The following LGR5 variants were observed in gnomAD, a reference collection of about 807,000 sequenced individuals.
LGR5 encodes the protein leucine rich repeat containing G protein-coupled receptor 5, also known as leucine-rich repeat-containing G protein-coupled receptor 5.
A neutral mutation model predicts 76.7 loss-of-function variants in LGR5; 54 were observed. That is an observed-to-expected ratio of 0.70 (90% CI 0.57 to 0.88). The LOEUF (loss-of-function observed/expected upper bound fraction) is 0.88, where lower values mean the gene tolerates loss of function less well. Among genes scored for constraint, LGR5 ranks in the 40% least tolerant of loss-of-function variants. LGR5 has a pLI of 0.00. For missense variants in LGR5, 1,078 were observed against 1,073.3 expected (o/e 1.00, Z -0.06); for synonymous variants, 406 against 421.9 (o/e 0.96, Z 0.46).
At chr12:71,560,869 T>C (rs1305730035) in intron 7 of LGR5, among the ~76,000 whole-genome samples, 1 of 152,220 alleles carries the variant, frequency 6.6e-6, no homozygotes, top group African/African-American at 2.4e-5. Flanking sequence ...CATTTGTAAA[T>C]GTTCAATGAA....
At chr12:71,563,212 T>C (rs1489718756) in intron 8 of LGR5, among the ~76,000 whole-genome samples, 1 of 152,182 alleles carries the variant, frequency 6.6e-6, no homozygotes, top group Non-Finnish European at 1.5e-5. Context: ...TCCTTGCTCC[T>C]GCATCTGTTT....
rs1240025793 is a variant in LGR5 at position 71,439,994 on chromosome 12, G to A, written c.-87G>A. On this transcript the variant is annotated 5_prime_UTR_variant, in exon 1 of 18. Transcript: ENST00000266674. ...CGCCCGCTGAGTTGCAGAAGCCCAC[G>A]GAGCGGCGCCCGGCGCGCCACGGCC... is the stretch of plus-strand genomic sequence containing the variant. 2.3e-6 allele frequency: 3 copies of A among 1,318,490 alleles called. No individual in the cohort carries two copies. Among genetic ancestry groups the A allele is most frequent in the Non-Finnish European group, 3.2e-6 (3 of 946,868 alleles). The allele number at this position is 1,318,490 out of a possible 1,614,324, so 81.7% of individuals were successfully genotyped here. A position where few individuals can be genotyped will look rare whatever the true frequency, so the allele number is the denominator to read the frequency against.
At chr12:71,562,124 A>C (rs1424068140) in intron 8 of LGR5, among the ~76,000 whole-genome samples, 1 of 152,168 alleles carries the variant, frequency 6.6e-6, no homozygotes, top group Non-Finnish European at 1.5e-5. Flanking sequence ...GATTACCTCT[A>C]TTTTCTAAGA....
Position 71,461,748 on chromosome 12 carries a change from C to A in LGR5, c.212+21456C>A, listed in dbSNP as rs527541643. Among the ~76,000 whole-genome samples, 7 of 152,238 alleles carry A rather than the reference C, an allele frequency of 4.6e-5. No individual in the cohort carries two copies. The South Asian group carries it at 1.5e-3, about 32-fold the overall frequency. On this transcript the variant is annotated intron_variant, in intron 1 of 17. Transcript: ENST00000266674. ...ATCCCTTTTGAAATCAGCCTGCCAC[C>A]TCCACCATTCAACTTAAATCACTCT...
chr12:71,566,666 C>T lies in LGR5; in HGVS notation c.964C>T (p.Pro322Ser), dbSNP rs1404085523. The T allele has an allele frequency of 1.9e-6, 3 of 1,613,634 alleles. No individual in the cohort carries two copies. Among genetic ancestry groups the T allele is most frequent in the Non-Finnish European group, 2.5e-6 (3 of 1,179,626 alleles). ...LNGASQITEF[P>S]DLTGTANLES... ...TGGTGCCTCACAAATAACTGAATTT[C>T]CTGATTTAACTGGAACTGCAAACCT... Residue 322 changes from proline (P) to serine (S), a missense_variant, in exon 10 of 18, where the codon CCT becomes TCT. Transcript: ENST00000266674.
rs996140903 is a variant in LGR5, at chr12:71,585,096, C to T, written c.*362C>T. 2 of 184,816 alleles carry T rather than the reference C, an allele frequency of 1.1e-5. No individual in the cohort carries two copies. The highest frequency in any genetic ancestry group is 4.7e-5 in the African/African-American group (2 of 42,366). 11.4% of individuals were successfully genotyped at this position (184,816 alleles called of 1,614,324 possible). ...GGAGGAGGGAGAACCCACTTGCTTT[C>T]CAAATGGGTTTATTTAAACCCACAA... On this transcript the variant is annotated 3_prime_UTR_variant, in exon 18 of 18. Transcript: ENST00000266674.
rs778152933 is a variant in LGR5, at chr12:71,553,212, G to A, written c.568G>A (p.Ala190Thr). The A allele has an allele frequency of 1.9e-6, 3 of 1,613,996 alleles. No homozygotes were observed. Among genetic ancestry groups the A allele is most frequent in the Admixed American group, 1.7e-5 (1 of 59,994 alleles). Residue 190 changes from alanine (A) to threonine (T), a missense_variant, in exon 5 of 18, where the codon GCC becomes ACC. Transcript: ENST00000266674. ...QAFRSLSALQ[A>T]MTLALNKIHH... is the part of the protein sequence containing the mutation. The stretch of plus-strand genomic sequence containing the variant: ...TTTTAGAAGTTTATCGGCATTGCAA[G>A]CCATGACCTTGGCCCTGAACAAAAT...
At position 71,440,356 on chromosome 12, in the gene LGR5, C is replaced by A. The variant is rs1871706246; in HGVS notation, c.212+64C>A. ...GAGGGGAAGGAAGGTTCGTCCAAGG[C>A]GAGGCTGGAGGCTCCTCGGCGCCCG... On this transcript the variant is annotated intron_variant, in intron 1 of 17. Transcript: ENST00000266674. The surrounding 1 kb of genome is among the most constrained non-coding windows in gnomAD (Gnocchi z 5.3). 6.6e-7 allele frequency: 1 copy of A among 1,524,000 alleles called. No individual in the cohort carries two copies. Among genetic ancestry groups the A allele is most frequent in the Non-Finnish European group, 9.0e-7 (1 of 1,116,246 alleles). The allele number at this position is 1,524,000 out of a possible 1,614,324, so 94.4% of individuals were successfully genotyped here.
At chr12:71,470,546 CT>C (rs368321746) in intron 1 of LGR5, among the ~76,000 whole-genome samples, 42 of 151,602 alleles carry the variant, frequency 2.8e-4, no homozygotes, top group African/African-American at 9.9e-4. Context: ...ACATATATGT[CT>C]TTATGTATGT....
intron 1 of LGR5, among the ~76,000 whole-genome samples, chr12:71,495,711 TCAAA>T (rs150639530): frequency 0.016 from 2,469 of 151,416 alleles, 101 homozygotes; most frequent in African/African-American, 0.027. Context: ...AGGCCAGGAC[TCAAA>T]CTAAGACAAA....
In LGR5 at chr12:71,473,340, AT is replaced by A. The variant is rs3842282; in HGVS notation, c.213-31273del. On this transcript the variant is annotated intron_variant, in intron 1 of 17. Coordinates refer to ENST00000266674, the MANE Select transcript of LGR5 (RefSeq NM_003667.4). ...TATCATCTTTTCAACACTTAAAAAA[AT>A]ATTCATTATTAATTTGTTGAATGAT... Among the ~76,000 whole-genome samples the A allele has an allele frequency of 1.7e-3, 252 of 152,282 alleles. 3 individuals are homozygous for A. The East Asian group carries it at 0.025, about 15-fold the overall frequency.
chr12:71,460,157 TC>T (rs1370852443), intron 1 of LGR5, among the ~76,000 whole-genome samples: 1 of 151,948 alleles, frequency 6.6e-6, no homozygotes, highest in East Asian at 1.9e-4. Flanking sequence ...CCTCTAGAAG[TC>T]AGGACCCACA....
chr12:71,500,361 C>T (rs569982835), intron 1 of LGR5, among the ~76,000 whole-genome samples: 5 of 152,136 alleles, frequency 3.3e-5, no homozygotes, highest in African/African-American at 9.6e-5. Context: ...GCTGAACATT[C>T]GAGTCACCTG....
At chr12:71,571,326 A>C (rs1331923666) in intron 11 of LGR5, 188 bp from the exon 12 acceptor site, 2 of 449,652 alleles carry the variant, frequency 4.4e-6, no homozygotes, top group East Asian at 6.8e-5. Context: ...GTTACATTTC[A>C]GTAAACATTT....
intron 1 of LGR5, among the ~76,000 whole-genome samples, chr12:71,456,080 A>G (rs1482040135): frequency 6.6e-6 from 1 of 152,156 alleles, no homozygotes; most frequent in East Asian, 1.9e-4. Flanking sequence ...AAATTTTCTA[A>G]GAAGCAAAAT....
chr12:71,456,560 T>C (rs1484099150), intron 1 of LGR5, among the ~76,000 whole-genome samples: 1 of 152,170 alleles, frequency 6.6e-6, no homozygotes, highest in East Asian at 1.9e-4. Flanking sequence ...ATGTTTTGTA[T>C]TGTGCCCACT....
intron 1 of LGR5, among the ~76,000 whole-genome samples, chr12:71,460,156 G>A (rs1872633435): frequency 6.6e-6 from 1 of 152,140 alleles, no homozygotes; most frequent in Admixed American, 6.5e-5. Flanking sequence ...CCCTCTAGAA[G>A]TCAGGACCCA....
At chr12:71,559,470 T>G in intron 6 of LGR5, 116 bp from the exon 7 acceptor site, 11 of 593,740 alleles carry the variant, frequency 1.9e-5, no homozygotes, top group African/African-American at 1.9e-5. Context: ...AGAAAAGCAG[T>G]GAGAACTTCC....
intron 4 of LGR5, among the ~76,000 whole-genome samples, chr12:71,543,333 T>C (rs1395803735): frequency 6.6e-6 from 1 of 152,208 alleles, no homozygotes; most frequent in East Asian, 1.9e-4. Context: ...TTGATCTATC[T>C]GCCAGAATTA....
Sources: gnomAD v4.1 joint callset for allele counts (sites outside exome capture counted in the v4.1 genomes callset) on GRCh38, gnomAD v4.1.1 for gene constraint, Gnocchi (gnomAD v3.1) non-coding constraint, MANE v1.5 for transcripts, NCBI Gene and HGNC (gene_info 2026-07-23, HGNC 2026-07-21) for gene names.